Variants in NAA15 observed in about 807,000 individuals in gnomAD.
NAA15 encodes N-alpha-acetyltransferase 15, NatA auxiliary subunit.
NAA15 carries 34 observed loss-of-function variants against 114.0 expected under a neutral mutation model. The ratio of observed to expected loss-of-function variants is 0.30; its 90% CI spans 0.23 to 0.40. The LOEUF is 0.40. Ranked by LOEUF, NAA15 falls within the 10% of genes least tolerant of loss-of-function variation. The pLI, the probability that NAA15 is intolerant of heterozygous loss-of-function variation, is 1.00. For synonymous variants in NAA15, 340 were observed against 338.0 expected (o/e 1.01, Z -0.06); for missense variants, 658 against 1,004.5 (o/e 0.66, Z 4.66).
chr4:139,322,959 G>A (rs751126531), intron 1 of NAA15, among the ~76,000 whole-genome samples: 4 of 151,794 alleles, frequency 2.6e-5, no homozygotes, highest in Non-Finnish European at 4.4e-5. Context: ...CCCAATAGCT[G>A]GGATTGCAGG....
intron 9 of NAA15, among the ~76,000 whole-genome samples, 160 bp downstream of exon 9, chr4:139,351,771 A>G (rs774996298): frequency 6.6e-6 from 1 of 151,076 alleles, no homozygotes; most frequent in Non-Finnish European, 1.5e-5. Flanking sequence ...TCTTTTTTCC[A>G]TTTCATCCTC....
At chr4:139,381,655 G>A (rs905836628) in intron 17 of NAA15, among the ~76,000 whole-genome samples, 1 of 151,904 alleles carries the variant, frequency 6.6e-6, no homozygotes, top group Non-Finnish European at 1.5e-5. Flanking sequence ...CTATAACCTA[G>A]TAGTGAACAG....
chr4:139,318,133 C>T (rs564966968), intron 1 of NAA15, among the ~76,000 whole-genome samples: 155 of 152,242 alleles, frequency 1.0e-3, no homozygotes, highest in Non-Finnish European at 1.9e-3. Flanking sequence ...AGACCAATGA[C>T]GCCCTAATGC....
chr4:139,321,919 C>A (rs1052632666), intron 1 of NAA15, among the ~76,000 whole-genome samples: 1 of 151,970 alleles, frequency 6.6e-6, no homozygotes, highest in Non-Finnish European at 1.5e-5. Flanking sequence ...TGATTTCTTT[C>A]TCCTGTAGGT....
At chr4:139,316,630 T>C (rs1746419063) in intron 1 of NAA15, among the ~76,000 whole-genome samples, 2 of 151,996 alleles carry the variant, frequency 1.3e-5, no homozygotes. Flanking sequence ...AGTATTTTAC[T>C]TTTTATTCCT....
At chr4:139,352,378 G>C (rs1245500464) in intron 9 of NAA15, among the ~76,000 whole-genome samples, 1 of 151,936 alleles carries the variant, frequency 6.6e-6, no homozygotes, top group Non-Finnish European at 1.5e-5. Context: ...CAAAGTGCTG[G>C]GATTACAAGC....
chr4:139,333,904 AAAAT>A (rs1372251154), intron 1 of NAA15, among the ~76,000 whole-genome samples: 4 of 152,178 alleles, frequency 2.6e-5, no homozygotes, highest in African/African-American at 9.7e-5. Context: ...GTCTTAAAAA[AAAAT>A]AAATAAAAGA....
intron 7 of NAA15, 134 bp from the exon 8 acceptor site, chr4:139,351,057 G>A: frequency 2.1e-6 from 1 of 467,124 alleles, no homozygotes; most frequent in Non-Finnish European, 3.8e-6. Flanking sequence ...TGAAATAGTA[G>A]ATGTAAGATT....
chr4:139,316,339 A>AT (rs1553992706), intron 1 of NAA15, among the ~76,000 whole-genome samples: 2 of 151,528 alleles, frequency 1.3e-5, no homozygotes, highest in Non-Finnish European at 2.9e-5. Context: ...TTTCACATCT[A>AT]TTTCTTTTTC....
In NAA15 at chr4:139,301,662, TGGC is replaced by T; in HGVS notation, c.-110_-108del. 2 of 1,227,090 alleles carry T rather than the reference TGGC, an allele frequency of 1.6e-6. No homozygotes were observed. The highest frequency in any genetic ancestry group is 2.3e-6 in the Non-Finnish European group (2 of 879,524). The allele number at this position is 1,227,090 out of a possible 1,614,324, so 76.0% of individuals were successfully genotyped here. A position where few individuals can be genotyped will look rare whatever the true frequency, so the allele number is the denominator to read the frequency against. Reference sequence around the variant, plus strand: ...CGCGGCGACACCCGAGGCCTGGTGGTGGCGGCGGATCGAGATATTCAAGGCTGA... The same window carrying T: ...CGCGGCGACACCCGAGGCCTGGTGGTGGCGGATCGAGATATTCAAGGCTGA... On this transcript the variant is annotated 5_prime_UTR_variant, in exon 1 of 20. Transcript: ENST00000296543.
intron 13 of NAA15, among the ~76,000 whole-genome samples, 184 bp from the exon 14 acceptor site, chr4:139,361,540 C>T (rs1480337317): frequency 1.3e-5 from 2 of 152,126 alleles, no homozygotes; most frequent in Non-Finnish European, 2.9e-5. Context: ...CTGTGCTAGA[C>T]AATGGCTAAC....
Position 139,389,971 on chromosome 4 carries a change from A to G in NAA15, c.*1887A>G, listed in dbSNP as rs1749010570. The stretch of plus-strand genomic sequence containing the variant: ...GCAAAAAAACAAAAACTTTTTTTCA[A>G]CTCCTATGAGTGGCAACTGAAGTTC... On this transcript the variant is annotated 3_prime_UTR_variant, in exon 20 of 20. Transcript: ENST00000296543. 6.6e-6 allele frequency: 1 copy of G among 152,588 alleles called. No individual in the cohort carries two copies. The highest frequency in any genetic ancestry group is 2.4e-5 in the African/African-American group (1 of 41,428). 9.5% of individuals were successfully genotyped at this position (152,588 alleles called of 1,614,324 possible).
At chr4:139,379,035 A>G (rs1369455104) in intron 17 of NAA15, 181 bp downstream of exon 17, 1 of 426,270 alleles carries the variant, frequency 2.3e-6, no homozygotes, top group South Asian at 6.2e-5. Flanking sequence ...GGATACAAGT[A>G]TTACCTGATT....
intron 14 of NAA15, among the ~76,000 whole-genome samples, chr4:139,367,000 GT>G (rs1462382102): frequency 6.6e-6 from 1 of 152,220 alleles, no homozygotes; most frequent in Non-Finnish European, 1.5e-5. Flanking sequence ...TCAGAATCTT[GT>G]CATGTAAATC....
At chr4:139,357,752 C>G (rs1015498933) in intron 11 of NAA15, among the ~76,000 whole-genome samples, 197 bp downstream of exon 11, 1 of 152,070 alleles carries the variant, frequency 6.6e-6, no homozygotes, top group Non-Finnish European at 1.5e-5. Flanking sequence ...TATCTATATC[C>G]GTATACACAC....
In NAA15 at chr4:139,386,175, G is replaced by A. The variant is rs776135982; in HGVS notation, c.2345G>A (p.Arg782Gln). 51 of 1,610,710 alleles carry A rather than the reference G, an allele frequency of 3.2e-5. No homozygotes were observed. Among genetic ancestry groups the A allele is most frequent in the Admixed American group, 1.0e-4 (6 of 59,612 alleles). ...TACTTAGATCCTTCTAGTCAGAAGC[G>A]AGCTATAGAGTTGGCAACAACACTT... ...VYYLDPSSQK[R>Q]AIELATTLDE... The change falls in exon 19 of 20, where the codon CGA becomes CAA. Residue 782 changes from arginine to glutamine, a missense_variant. Physicochemically the swap from Arg to Gln is conservative, Grantham distance 43. Coordinates refer to ENST00000296543, the MANE Select transcript of NAA15 (RefSeq NM_057175.5).
chr4:139,347,689 G>C (rs1406959039), intron 6 of NAA15, among the ~76,000 whole-genome samples: 4 of 152,088 alleles, frequency 2.6e-5, no homozygotes, highest in Admixed American at 2.0e-4. Flanking sequence ...CAGATAAATT[G>C]CTTGGATTCA....
At chr4:139,315,410 T>C (rs1481236108) in intron 1 of NAA15, among the ~76,000 whole-genome samples, 1 of 151,786 alleles carries the variant, frequency 6.6e-6, no homozygotes, top group Admixed American at 6.6e-5. Context: ...TCCCCGCTAC[T>C]TGGCAGGCTG....
chr4:139,331,436 T>G (rs1216229871), intron 1 of NAA15, among the ~76,000 whole-genome samples: 5 of 151,810 alleles, frequency 3.3e-5, no homozygotes, highest in Non-Finnish European at 5.9e-5. Flanking sequence ...CACAAGTTTT[T>G]TTTTCTTCTT....
Sources: allele counts gnomAD v4.1 joint callset (sites outside exome capture counted in the v4.1 genomes callset), GRCh38; gene constraint gnomAD v4.1.1; transcripts MANE v1.5; gene names NCBI Gene and HGNC (gene_info 2026-07-23, HGNC 2026-07-21).